VAPA: variants seen among roughly 807,000 people sequenced by gnomAD.
VAPA encodes VAMP associated protein A, also known as vesicle-associated membrane protein-associated protein A.
VAPA carries 6 observed loss-of-function variants against 25.6 expected under a neutral mutation model. The ratio of observed to expected loss-of-function variants is 0.23; its 90% CI spans 0.13 to 0.46. The LOEUF (loss-of-function observed/expected upper bound fraction) is 0.46. Among genes scored for constraint, VAPA ranks in the 20% least tolerant of loss-of-function variants. The pLI is 0.99. For synonymous variants in VAPA, 112 were observed against 106.2 expected, an observed-to-expected ratio of 1.05 and a Z score of -0.34; for missense variants, 244 against 302.1, an observed-to-expected ratio of 0.81 and a Z score of 1.43.
intron 2 of VAPA, among the ~76,000 whole-genome samples, chr18:9,935,471 G>T (rs1407130693): frequency 6.6e-6 from 1 of 152,160 alleles, no homozygotes; most frequent in African/African-American, 2.4e-5. Flanking sequence ...CTATTTAGGA[G>T]CCTGAAGTGG....
intron 4 of VAPA, among the ~76,000 whole-genome samples, chr18:9,940,963 A>G (rs941532242): frequency 1.3e-5 from 2 of 152,242 alleles, no homozygotes; most frequent in African/African-American, 4.8e-5. Flanking sequence ...TTGTGTTTTT[A>G]TAAGGCAGTA....
At chr18:9,922,311 C>G (rs2069163787) in intron 1 of VAPA, among the ~76,000 whole-genome samples, 1 of 152,120 alleles carries the variant, frequency 6.6e-6, no homozygotes, top group Admixed American at 6.5e-5. Context: ...GATAGCATAA[C>G]ATTTCATCCC....
intron 1 of VAPA, among the ~76,000 whole-genome samples, chr18:9,931,225 G>T (rs960137448): frequency 8.6e-5 from 13 of 152,006 alleles, no homozygotes; most frequent in African/African-American, 3.1e-4. Flanking sequence ...CAGCCTTTTG[G>T]GTTCTTTGTT....
At chr18:9,929,966 T>C (rs2069237120) in intron 1 of VAPA, among the ~76,000 whole-genome samples, 1 of 152,202 alleles carries the variant, frequency 6.6e-6, no homozygotes, top group African/African-American at 2.4e-5. Flanking sequence ...CTATCTGTAT[T>C]GACAATTTAT....
At chr18:9,918,876 A>G (rs907715728) in intron 1 of VAPA, among the ~76,000 whole-genome samples, 1 of 152,136 alleles carries the variant, frequency 6.6e-6, no homozygotes, top group African/African-American at 2.4e-5. Flanking sequence ...TTTACTACCC[A>G]TGCCTACTCT....
intron 1 of VAPA, among the ~76,000 whole-genome samples, chr18:9,917,478 C>T (rs1362329337): frequency 6.6e-6 from 1 of 152,016 alleles, no homozygotes; most frequent in Non-Finnish European, 1.5e-5. Flanking sequence ...TTTGTAGAGA[C>T]GGGATTTTGC....
At chr18:9,940,687 A>C (rs1391759626) in intron 4 of VAPA, among the ~76,000 whole-genome samples, 4 of 152,180 alleles carry the variant, frequency 2.6e-5, no homozygotes, top group African/African-American at 7.2e-5. Flanking sequence ...GAACCAGCTG[A>C]AGTGGTGTTT....
chr18:9,947,474 C>G (rs2069438049), intron 4 of VAPA: 2 of 152,176 alleles, frequency 1.3e-5, no homozygotes, highest in Non-Finnish European at 2.9e-5. Context: ...TTATACAGAA[C>G]ATGACTGGAC....
At chr18:9,940,455 A>AT (rs1304087845) in intron 4 of VAPA, among the ~76,000 whole-genome samples, 1 of 152,038 alleles carries the variant, frequency 6.6e-6, no homozygotes, top group Non-Finnish European at 1.5e-5. Flanking sequence ...CTTTCTGTTC[A>AT]TTTTTTTGAC....
chr18:9,918,654 T>A (rs1567891074), intron 1 of VAPA, among the ~76,000 whole-genome samples: 1 of 152,232 alleles, frequency 6.6e-6, no homozygotes, highest in East Asian at 1.9e-4. Context: ...TTGGTTTCAT[T>A]TATCTCACTC....
chr18:9,950,312 A>G (rs2069475448), intron 4 of VAPA, 83 bp from the exon 5 acceptor site: 2 of 1,456,864 alleles, frequency 1.4e-6, no homozygotes, highest in South Asian at 1.3e-5. Context: ...ATGAACAAAG[A>G]TGTAGAATTT....
intron 1 of VAPA, among the ~76,000 whole-genome samples, chr18:9,928,628 CTGAAA>C (rs1486316638): frequency 1.3e-5 from 2 of 151,962 alleles, no homozygotes; most frequent in African/African-American, 2.4e-5. Flanking sequence ...TATTGCTATC[CTGAAA>C]TGAAATGCAT....
intron 1 of VAPA, among the ~76,000 whole-genome samples, chr18:9,916,395 T>C (rs2069112234): frequency 6.6e-6 from 1 of 152,206 alleles, no homozygotes; most frequent in African/African-American, 2.4e-5. Context: ...AAGCCCTTTC[T>C]CTATGTGCCC....
At chr18:9,937,114 TC>T in intron 4 of VAPA, 48 bp downstream of exon 4, 1 of 1,501,494 alleles carries the variant, frequency 6.7e-7, no homozygotes, top group Admixed American at 1.8e-5. Context: ...AGCTCTCAGT[TC>T]CTTTGATTAA....
intron 5 of VAPA, among the ~76,000 whole-genome samples, chr18:9,953,619 T>A (rs2069512328): frequency 3.3e-5 from 5 of 152,208 alleles, no homozygotes; most frequent in Admixed American, 2.6e-4. Context: ...TTTGGCTGAT[T>A]GGGCTAGGAC....
At chr18:9,948,691 G>T (rs2069453367) in intron 4 of VAPA, 1 of 152,204 alleles carries the variant, frequency 6.6e-6, no homozygotes, top group African/African-American at 2.4e-5. Flanking sequence ...CTCATGAGTA[G>T]CTGAGATTAC....
At position 9,937,236 on chromosome 18, in the gene VAPA, T is replaced by TA. The variant is rs1555616391; in HGVS notation, c.417+173dup. On this transcript the variant is annotated intron_variant, in intron 4 of 5. Coordinates refer to ENST00000400000, the MANE Select transcript of VAPA (RefSeq NM_194434.3). ...GGTATGCCTTTTTTTTTTTTTTTTT[T>TA]AAAGTAACATTTTGTTTATCCAAGA... Among the ~76,000 whole-genome samples, 580 of 150,904 alleles carry TA rather than the reference T, an allele frequency of 3.8e-3. 2 individuals carry two copies. The highest frequency in any genetic ancestry group is 6.5e-3 in the Non-Finnish European group (441 of 67,734).
intron 4 of VAPA, chr18:9,947,514 C>T (rs2069438482): frequency 6.6e-6 from 1 of 152,198 alleles, no homozygotes; most frequent in Non-Finnish European, 1.5e-5. Context: ...TGCAGATAGG[C>T]TAAATAATAT....
intron 1 of VAPA, among the ~76,000 whole-genome samples, chr18:9,918,645 T>C (rs2069132385): frequency 6.6e-6 from 1 of 152,234 alleles, no homozygotes; most frequent in African/African-American, 2.4e-5. Flanking sequence ...GATTCTGATT[T>C]GGTTTCATTT....
Sources: gnomAD v4.1 joint callset for allele counts (sites outside exome capture counted in the v4.1 genomes callset) on GRCh38, gnomAD v4.1.1 for gene constraint, MANE v1.5 for transcripts, NCBI Gene and HGNC (gene_info 2026-07-23, HGNC 2026-07-21) for gene names.